The following PDE1C variants were observed in gnomAD, a reference collection of about 807,000 sequenced individuals.
PDE1C encodes the protein dual specificity calcium/calmodulin-dependent 3',5'-cyclic nucleotide phosphodiesterase 1C.
PDE1C carries 62 observed loss-of-function variants against 93.1 expected under a neutral mutation model. That is an observed-to-expected ratio of 0.67 (90% confidence interval 0.54 to 0.82). PDE1C has a LOEUF of 0.82. Among genes scored for constraint, PDE1C ranks in the 40% least tolerant of loss-of-function variants. The pLI, the probability that PDE1C is intolerant of heterozygous loss-of-function variation, is 0.00. For synonymous variants in PDE1C, 325 were observed against 310.1 expected, an observed-to-expected ratio of 1.05 and a Z score of -0.50; for missense variants, 742 against 884.6, an observed-to-expected ratio of 0.84 and a Z score of 2.04.
upstream of PDE1C, chr7:32,071,326 C>T (rs1277108328): frequency 7.1e-6 from 7 of 985,474 alleles, no homozygotes; most frequent in Non-Finnish European, 7.2e-6. Flanking sequence ...TCCCCCACAG[C>T]CTCACTCTCG....
At chr7:32,356,435 A>C (rs1028796868) in intron 1 of PDE1C, among the ~76,000 whole-genome samples, 1 of 152,266 alleles carries the variant, frequency 6.6e-6, no homozygotes, top group African/African-American at 2.4e-5. Context: ...AAAGCTGTTA[A>C]AAGTGGACAC....
At chr7:32,251,827 A>C (rs984720357) in intron 1 of PDE1C, among the ~76,000 whole-genome samples, 4 of 152,154 alleles carry the variant, frequency 2.6e-5, no homozygotes, top group Admixed American at 2.0e-4. Context: ...ACTCCTTATG[A>C]TTGCTGACAA....
chr7:31,671,353 T>G, the PDE1C span, among the ~76,000 whole-genome samples: 1 of 152,220 alleles, frequency 6.6e-6, no homozygotes, highest in African/African-American at 2.4e-5. Flanking sequence ...CTCATCTATG[T>G]GCTCCCTCCT....
chr7:31,687,944 T>A, the PDE1C span, among the ~76,000 whole-genome samples: 3 of 152,238 alleles, frequency 2.0e-5, no homozygotes, highest in Non-Finnish European at 4.4e-5. Context: ...CTTCTGAGAA[T>A]CAGTTCTATT....
the PDE1C span, among the ~76,000 whole-genome samples, chr7:31,681,442 T>C: frequency 6.6e-5 from 10 of 152,068 alleles, no homozygotes; most frequent in Admixed American, 4.6e-4. Context: ...TCTTCCTAGA[T>C]TATCTTTTTC....
chr7:32,107,772 C>T (rs1479844558), intron 3 of PDE1C, among the ~76,000 whole-genome samples: 1 of 151,902 alleles, frequency 6.6e-6, no homozygotes, highest in Non-Finnish European at 1.5e-5. Flanking sequence ...TCTTAATTAT[C>T]AAATAAAAGT....
intron 2 of PDE1C, among the ~76,000 whole-genome samples, chr7:31,904,796 A>G (rs1168867058): frequency 6.6e-6 from 1 of 152,162 alleles, no homozygotes; most frequent in African/African-American, 2.4e-5. Flanking sequence ...CTTATGGAAA[A>G]AGGTTTGGAT....
chr7:32,124,010 C>T (rs912087604), intron 3 of PDE1C, among the ~76,000 whole-genome samples: 1 of 152,178 alleles, frequency 6.6e-6, no homozygotes, highest in Admixed American at 6.5e-5. Flanking sequence ...AGCAAAGTCT[C>T]AGGATACAAA....
chr7:31,785,885 G>A (rs1259877914), intron 16 of PDE1C: 1 of 152,122 alleles, frequency 6.6e-6, no homozygotes, highest in Non-Finnish European at 1.5e-5. Context: ...CCAGAGGGAG[G>A]TTTTATAGGA....
chr7:31,913,368 G>T (rs1021439267), intron 2 of PDE1C, among the ~76,000 whole-genome samples: 1 of 151,818 alleles, frequency 6.6e-6, no homozygotes, highest in Admixed American at 6.6e-5. Flanking sequence ...CTTTACGGAG[G>T]TTATGTCTGG....
intron 2 of PDE1C, among the ~76,000 whole-genome samples, chr7:31,924,949 C>T (rs974850413): frequency 2.6e-5 from 4 of 152,128 alleles, no homozygotes; most frequent in African/African-American, 9.7e-5. Context: ...ATGGCTCAAT[C>T]TCAAATATAT....
rs566984368 is a variant in PDE1C at position 31,998,607 on chromosome 7, T to C, written c.128+52947A>G. ...ATCCTTCATAATCAGGTATATGGTCTATAACACAGTTAAAGGGACAGAAGC... is the reference window on the plus strand; with the variant it reads ...ATCCTTCATAATCAGGTATATGGTCCATAACACAGTTAAAGGGACAGAAGC... On this transcript the variant is annotated intron_variant, in intron 2 of 17. Coordinates refer to ENST00000396191, the MANE Select transcript of PDE1C (RefSeq NM_001191057.4). Among the ~76,000 whole-genome samples the C allele has an allele frequency of 2.5e-3, 379 of 152,336 alleles. 1 individual carries two copies. Among genetic ancestry groups the C allele is most frequent in the African/African-American group, 8.8e-3 (368 of 41,582 alleles).
At chr7:31,897,328 T>C (rs367592254) in intron 2 of PDE1C, among the ~76,000 whole-genome samples, 17 of 152,314 alleles carry the variant, frequency 1.1e-4, no homozygotes, top group African/African-American at 4.1e-4. Context: ...AAGTGTCCTA[T>C]TACAAATTAA....
At chr7:31,727,000 C>T in the PDE1C span, among the ~76,000 whole-genome samples, 3 of 152,050 alleles carry the variant, frequency 2.0e-5, no homozygotes, top group Non-Finnish European at 2.9e-5. Context: ...CATGCCATTG[C>T]CCTCCAGCCT....
At chr7:31,786,945 CTATCTATCTATCATCTATCT>C (rs1784052373) in intron 16 of PDE1C, 1 of 112,660 alleles carries the variant, frequency 8.9e-6, no homozygotes, top group South Asian at 2.8e-4. Flanking sequence ...ATCTATCTAT[CTATCTATCTATCATCTATCT>C]ATCTATCTAT....
At chr7:32,387,834 G>C (rs1784670046) in intron 1 of PDE1C, among the ~76,000 whole-genome samples, 1 of 118,940 alleles carries the variant, frequency 8.4e-6, no homozygotes, top group Non-Finnish European at 1.8e-5. Context: ...CCTCCAGGAC[G>C]GGGCGGCTGG....
At chr7:32,113,095 C>T (rs1182381718) in intron 3 of PDE1C, among the ~76,000 whole-genome samples, 1 of 148,822 alleles carries the variant, frequency 6.7e-6, no homozygotes, top group African/African-American at 2.5e-5. Flanking sequence ...ATGAGCACCC[C>T]CATAACAGTT....
chr7:31,717,142 G>C, the PDE1C span, among the ~76,000 whole-genome samples: 3 of 152,196 alleles, frequency 2.0e-5, no homozygotes, highest in African/African-American at 7.2e-5. Context: ...AGTTACTCTT[G>C]ATTAGTTTTT....
intron 2 of PDE1C, among the ~76,000 whole-genome samples, chr7:31,930,708 G>A (rs1440555807): frequency 6.6e-6 from 1 of 151,618 alleles, no homozygotes; most frequent in East Asian, 1.9e-4. Flanking sequence ...TAATAGCCAG[G>A]CATGGTGGTA....
Sources: gnomAD v4.1 joint callset for allele counts (sites outside exome capture counted in the v4.1 genomes callset) on GRCh38, gnomAD v4.1.1 for gene constraint, MANE v1.5 for transcripts, NCBI Gene and HGNC (gene_info 2026-07-23, HGNC 2026-07-21) for gene names.